Variants in AKAP11 observed in about 807,000 individuals in gnomAD.
AKAP11 encodes A-kinase anchoring protein 11.
AKAP11 carries 36 observed loss-of-function variants against 146.1 expected under a neutral mutation model. That is an observed-to-expected ratio of 0.25 (90% CI 0.19 to 0.33). The LOEUF (loss-of-function observed/expected upper bound fraction) is 0.33. AKAP11 is among the 10% of genes least tolerant of loss of function. The pLI, the probability that AKAP11 is intolerant of heterozygous loss-of-function variation, is 1.00. For synonymous variants in AKAP11, 780 were observed against 786.5 expected, an observed-to-expected ratio of 0.99 and a Z score of 0.14; for missense variants, 2,201 against 2,197.0, an observed-to-expected ratio of 1.00 and a Z score of -0.04.
chr13:42,305,098 A>T (rs957146958), intron 8 of AKAP11, among the ~76,000 whole-genome samples: 1 of 152,208 alleles, frequency 6.6e-6, no homozygotes, highest in Non-Finnish European at 1.5e-5. Flanking sequence ...TTTTCAGTTT[A>T]AACCTTCTTT....
rs1594338257 is a variant in AKAP11, at chr13:42,302,064, A to G, written c.3318A>G (p.Leu1106=). Reference sequence around the variant, plus strand: ...CTGATACTCCTCCATCAACTCCTCTAGTACCATCCCGGGCTAGTTCTGAAT... The same window carrying G: ...CTGATACTCCTCCATCAACTCCTCTGGTACCATCCCGGGCTAGTTCTGAAT... ...VIPDTPPSTP[L]VPSRASSEWD... The change falls in exon 8 of 13, where the codon CTA becomes CTG. Residue 1106 remains leucine (L), a synonymous_variant. Transcript: ENST00000025301. 2 of 1,614,190 alleles carry G rather than the reference A, an allele frequency of 1.2e-6. No homozygotes were observed. The highest frequency in any genetic ancestry group is 8.5e-7 in the Non-Finnish European group (1 of 1,180,016).
At chr13:42,290,112 G>A (rs542983012) in intron 3 of AKAP11, among the ~76,000 whole-genome samples, 1 of 152,248 alleles carries the variant, frequency 6.6e-6, no homozygotes, top group African/African-American at 2.4e-5. Context: ...TTTGGTCAAG[G>A]TTCACACACT....
At chr13:42,315,589 T>A (rs967845023) in intron 11 of AKAP11, among the ~76,000 whole-genome samples, 2 of 152,350 alleles carry the variant, frequency 1.3e-5, no homozygotes, top group Non-Finnish European at 2.9e-5. Flanking sequence ...AAGATACAAG[T>A]TAATGTAAAT....
chr13:42,299,544 T>G lies in AKAP11; in HGVS notation c.798T>G (p.Thr266=). Residue 266 remains threonine, a synonymous_variant, in exon 8 of 13, where the codon ACT becomes ACG. Transcript: ENST00000025301. ...ATAAAGAACTACCTTCTGTGAAAAC[T>G]TCAGTCACAACATCAATTTCAGAGC... is the stretch of plus-strand genomic sequence containing the variant. ...LGHKELPSVK[T]SVTTSISEPW... is the part of the protein sequence containing the mutation. The G allele has an allele frequency of 2.5e-6, 4 of 1,613,996 alleles. No homozygotes were observed. Among genetic ancestry groups the G allele is most frequent in the Non-Finnish European group, 2.5e-6 (3 of 1,179,880 alleles).
chr13:42,307,841 A>C (rs1420458475), intron 8 of AKAP11, among the ~76,000 whole-genome samples: 1 of 152,200 alleles, frequency 6.6e-6, no homozygotes, highest in Non-Finnish European at 1.5e-5. Flanking sequence ...TGGAAACATC[A>C]CTTTGAACTA....
rs371626532 is a variant in AKAP11 at position 42,298,698 on chromosome 13, G to A, written c.517G>A (p.Asp173Asn). ...CCAACTTGAGACCACTGATGAAGATGATGATGATACTAACCAGTCTGTGTC... is the reference window on the plus strand; with the variant it reads ...CCAACTTGAGACCACTGATGAAGATAATGATGATACTAACCAGTCTGTGTC... ...KHQLETTDED[D>N]DDTNQSVSSI... Residue 173 changes from aspartate (D) to asparagine (N), a missense_variant, in exon 7 of 13, where the codon GAT (aspartate) becomes AAT (asparagine). Physicochemically the swap from Asp to Asn is conservative, Grantham distance 23. Around this residue, in one of 3 missense-constraint regions of AKAP11, gnomAD observed 331 missense variants for 347.4 expected, o/e 0.95. Coordinates refer to ENST00000025301, the MANE Select transcript of AKAP11 (RefSeq NM_016248.4). 9 of 1,611,654 alleles carry A rather than the reference G, an allele frequency of 5.6e-6. No homozygotes were observed. The highest frequency in any genetic ancestry group is 5.1e-5 in the Admixed American group (3 of 59,318).
At chr13:42,298,476 C>G in intron 6 of AKAP11, 57 bp from the exon 7 acceptor site, 1 of 1,552,444 alleles carries the variant, frequency 6.4e-7, no homozygotes, top group Non-Finnish European at 8.8e-7. Flanking sequence ...GGCTTTACTT[C>G]ATGTTGTTTT....
At position 42,286,407 on chromosome 13, in the gene AKAP11, C is replaced by A; in HGVS notation, c.51+8C>A. 2 of 1,589,292 alleles carry A rather than the reference C, an allele frequency of 1.3e-6. No individual in the cohort carries two copies. The highest frequency in any genetic ancestry group is 1.7e-6 in the Non-Finnish European group (2 of 1,167,712). The stretch of plus-strand genomic sequence containing the variant: ...AAAGCATCTGTCAGAAAAGTAAGTT[C>A]ACTCTATTAGGTTTCTTTTAGTGAA... On this transcript the variant is annotated splice_region_variant and intron_variant, in intron 3 of 12. Coordinates refer to ENST00000025301, the MANE Select transcript of AKAP11 (RefSeq NM_016248.4).
chr13:42,275,474 C>CAA (rs1261626659), intron 1 of AKAP11, among the ~76,000 whole-genome samples: 3 of 152,224 alleles, frequency 2.0e-5, no homozygotes, highest in African/African-American at 7.2e-5. Context: ...AGATTTGTCT[C>CAA]ACAGTTTGCA....
Position 42,303,462 on chromosome 13 carries a change from G to T in AKAP11, c.4716G>T (p.Arg1572Ser). 1 of 1,614,106 alleles carries T rather than the reference G, an allele frequency of 6.2e-7. No homozygotes were observed. The highest frequency in any genetic ancestry group is 1.1e-5 in the South Asian group (1 of 91,080). The change falls in exon 8 of 13, where the codon AGG becomes AGT. Residue 1572 changes from arginine to serine, a missense_variant. By Grantham distance (110) the Arg-to-Ser change is moderately radical. This residue lies in a region of AKAP11 where 1,867 missense variants were observed against 1,833.5 expected (regional missense o/e 1.02). Coordinates refer to ENST00000025301, the MANE Select transcript of AKAP11 (RefSeq NM_016248.4). ...CTGAGACCACAAAATCAGCAGACAG[G>T]GTCACTTATGCAGAAAAGTTGTCAC... ...RVSETTKSAD[R>S]VTYAEKLSPL... is the part of the protein sequence containing the mutation.
At chr13:42,279,595 ACTT>A (rs1959014566) in intron 1 of AKAP11, among the ~76,000 whole-genome samples, 1 of 151,614 alleles carries the variant, frequency 6.6e-6, no homozygotes, top group Non-Finnish European at 1.5e-5. Flanking sequence ...TTTTCCTCTC[ACTT>A]CTTGAGTATA....
At chr13:42,305,635 C>CA (rs1342615789) in intron 8 of AKAP11, among the ~76,000 whole-genome samples, 1 of 152,128 alleles carries the variant, frequency 6.6e-6, no homozygotes, top group East Asian at 1.9e-4. Context: ...CATGCTCATT[C>CA]AATTACACAT....
At chr13:42,308,047 G>A (rs938994790) in intron 8 of AKAP11, among the ~76,000 whole-genome samples, 2 of 152,134 alleles carry the variant, frequency 1.3e-5, no homozygotes, top group Non-Finnish European at 2.9e-5. Flanking sequence ...TTTCTTGAAC[G>A]ACTTTTTTGT....
At chr13:42,314,115 T>C (rs2138698035) in intron 11 of AKAP11, among the ~76,000 whole-genome samples, 175 bp downstream of exon 11, 1 of 152,328 alleles carries the variant, frequency 6.6e-6, no homozygotes, top group African/African-American at 2.4e-5. Flanking sequence ...TGAGTAGTTT[T>C]ATTTGATTGC....
chr13:42,271,910 T>C (rs547746187), upstream of AKAP11, among the ~76,000 whole-genome samples: 5 of 151,718 alleles, frequency 3.3e-5, no homozygotes, highest in East Asian at 9.8e-4. Context: ...AGGCTTTTTT[T>C]CCTGTTCCTT....
rs775878155 is a variant in AKAP11 at position 42,286,422 on chromosome 13, C to T, written c.51+23C>T. The T allele has an allele frequency of 9.7e-6, 15 of 1,546,904 alleles. No homozygotes were observed. In the South Asian group the frequency reaches 1.8e-4, roughly 19 times the overall value. On this transcript the variant is annotated intron_variant, in intron 3 of 12. Coordinates refer to ENST00000025301, the MANE Select transcript of AKAP11 (RefSeq NM_016248.4). ...AAAGTAAGTTCACTCTATTAGGTTT[C>T]TTTTAGTGAAAGTTTTAATTAAAAT...
intron 3 of AKAP11, among the ~76,000 whole-genome samples, chr13:42,290,313 A>G (rs1385556318): frequency 6.6e-6 from 1 of 152,186 alleles, no homozygotes; most frequent in African/African-American, 2.4e-5. Flanking sequence ...TGTTGTGTTC[A>G]TTCCGGTCTA....
chr13:42,308,388 A>G (rs1960386584), intron 8 of AKAP11, 66 bp from the exon 9 acceptor site: 5 of 1,304,382 alleles, frequency 3.8e-6, no homozygotes, highest in Non-Finnish European at 5.3e-6. Flanking sequence ...TCAAATTGAT[A>G]GTCTTGTAAG....
At position 42,298,527 on chromosome 13, in the gene AKAP11, C is replaced by T. The variant is rs1379959982; in HGVS notation, c.352-6C>T. 2 of 1,605,370 alleles carry T rather than the reference C, an allele frequency of 1.2e-6. No homozygotes were observed. The highest frequency in any genetic ancestry group is 2.2e-5 in the East Asian group (1 of 44,566). The stretch of plus-strand genomic sequence containing the variant: ...ATTGTTTTTATTATCTTTTATCTTT[C>T]CCAAGAGTCATCCTTCTGGAATGCT... On this transcript the variant is annotated splice_region_variant and splice_polypyrimidine_tract_variant and intron_variant, in intron 6 of 12. Transcript: ENST00000025301.
Sources: allele counts gnomAD v4.1 joint callset (sites outside exome capture counted in the v4.1 genomes callset), GRCh38; gene constraint gnomAD v4.1.1; regional missense constraint gnomAD v4.1.1; transcripts MANE v1.5; gene names NCBI Gene and HGNC (gene_info 2026-07-23, HGNC 2026-07-21).